The following OR56A1 variants were observed in gnomAD, a reference collection of about 807,000 sequenced individuals.
OR56A1 encodes olfactory receptor family 56 subfamily A member 1, also known as olfactory receptor 56A1.
For synonymous variants in OR56A1, 174 were observed against 159.1 expected (o/e 1.09, Z -0.70); for missense variants, 360 against 380.9 (o/e 0.94, Z 0.46).
chr11:6,026,818 G>A lies in OR56A1; in HGVS notation c.875C>T (p.Pro292Leu), dbSNP rs1460060660. The A allele has an allele frequency of 6.2e-7, 1 of 1,613,974 alleles. No individual in the cohort carries two copies. Among genetic ancestry groups the A allele is most frequent in the Non-Finnish European group, 8.5e-7 (1 of 1,179,946 alleles). ...LHHLIPPALN[P>L]IVYGVRTKEI... ...TTTGGTCCGAACCCCATACACAATAGGGTTCAATGCAGGAGGAATAAGGTG... is the reference window on the plus strand; with the variant it reads ...TTTGGTCCGAACCCCATACACAATAAGGTTCAATGCAGGAGGAATAAGGTG... The change falls in exon 2 of 2, where the codon CCT (proline) becomes CTT (leucine). Residue 292 changes from proline to leucine, a missense_variant. Physicochemically the swap from Pro to Leu is moderately conservative, Grantham distance 98 (BLOSUM62 -3). Transcript: ENST00000641900.
chr11:6,027,672 G>A lies in OR56A1; in HGVS notation c.21C>T (p.Ser7=), dbSNP rs374276557. ...GGAATTCAGAGACTGGGACAGTGGA[G>A]CTGTTGCTGGGTGACGCCATAGGCT... MASPSN[S]STVPVSEFLL... Residue 7 remains serine (S), a synonymous_variant, in exon 2 of 2, where the codon AGC becomes AGT. Transcript: ENST00000641900. 29 of 1,597,400 alleles carry A rather than the reference G, an allele frequency of 1.8e-5. No individual in the cohort carries two copies. Among genetic ancestry groups the A allele is most frequent in the Non-Finnish European group, 2.2e-5 (26 of 1,172,186 alleles).
chr11:6,031,403 C>G (rs1482844713), upstream of OR56A1, among the ~76,000 whole-genome samples: 1 of 152,096 alleles, frequency 6.6e-6, no homozygotes, highest in Non-Finnish European at 1.5e-5. Context: ...ACAGAAAGAT[C>G]ACTCTGGACA....
At chr11:6,030,460 C>A (rs1445363713) in intron 1 of OR56A1, among the ~76,000 whole-genome samples, 1 of 151,146 alleles carries the variant, frequency 6.6e-6, no homozygotes, top group African/African-American at 2.4e-5. Context: ...TAACTGACTA[C>A]ATTATGAAAG....
upstream of OR56A1, among the ~76,000 whole-genome samples, chr11:6,032,109 C>T (rs745370727): frequency 6.6e-6 from 1 of 152,070 alleles, no homozygotes; most frequent in South Asian, 2.1e-4. Context: ...AAGAGAGATT[C>T]ATTTGACTGG....
intron 1 of OR56A1, among the ~76,000 whole-genome samples, chr11:6,028,810 G>A (rs1290947093): frequency 6.6e-5 from 10 of 151,862 alleles, no homozygotes; most frequent in Admixed American, 6.6e-5. Flanking sequence ...AAAAGAAAAC[G>A]ATATATCAAA....
chr11:6,020,966 A>G lies in OR56A1; in HGVS notation c.*5782T>C, dbSNP rs555656975. 1 of 152,188 alleles carries G rather than the reference A, an allele frequency of 6.6e-6. No homozygotes were observed. The highest frequency in any genetic ancestry group is 1.9e-4 in the East Asian group (1 of 5,194). 9.4% of individuals were successfully genotyped at this position (152,188 alleles called of 1,614,324 possible). On this transcript the variant is annotated 3_prime_UTR_variant, in exon 2 of 2. Transcript: ENST00000641900. ...GAAAATTTTAGAATTTCTTTGAGTA[A>G]AGAAGACTCACAGAAATCCAGCCTG...
rs1329998793 is a variant in OR56A1, at chr11:6,020,502, T to C, written c.*6246A>G. The stretch of plus-strand genomic sequence containing the variant: ...GATTTCTTTGAGCAGTGTTTGGTAA[T>C]TCTCACTGTAGAGATCTTTCACCTC... On this transcript the variant is annotated 3_prime_UTR_variant, in exon 2 of 2. Transcript: ENST00000641900. 6.6e-6 allele frequency: 1 copy of C among 152,132 alleles called. No individual in the cohort carries two copies. The highest frequency in any genetic ancestry group is 1.5e-5 in the Non-Finnish European group (1 of 67,992). 9.4% of individuals were successfully genotyped at this position (152,132 alleles called of 1,614,324 possible).
At position 6,021,200 on chromosome 11, in the gene OR56A1, G is replaced by A. The variant is rs1210455953; in HGVS notation, c.*5548C>T. The A allele has an allele frequency of 2.6e-5, 4 of 152,008 alleles. No individual in the cohort carries two copies. Among genetic ancestry groups the A allele is most frequent in the Non-Finnish European group, 5.9e-5 (4 of 67,958 alleles). The allele number at this position is 152,008 out of a possible 1,614,324, so 9.4% of individuals were successfully genotyped here. A position where few individuals can be genotyped will look rare whatever the true frequency, so the allele number is the denominator to read the frequency against. Reference sequence around the variant, plus strand: ...TACAGATAGATCAAAAACCTATTAGGCCTTCGAGGGGGTTTATTGCCAAAG... The same window carrying A: ...TACAGATAGATCAAAAACCTATTAGACCTTCGAGGGGGTTTATTGCCAAAG... On this transcript the variant is annotated 3_prime_UTR_variant, in exon 2 of 2. Transcript: ENST00000641900.
At chr11:6,030,888 A>C (rs1848505919), upstream of OR56A1, 1 of 152,200 alleles carries the variant, frequency 6.6e-6, no homozygotes, top group South Asian at 2.1e-4. Flanking sequence ...ATGCCCAATT[A>C]GACATTTCAT....
chr11:6,025,244 G>A lies in OR56A1; in HGVS notation c.*1504C>T, dbSNP rs1474771887. 1 of 152,284 alleles carries A rather than the reference G, an allele frequency of 6.6e-6. No individual in the cohort carries two copies. The highest frequency in any genetic ancestry group is 1.5e-5 in the Non-Finnish European group (1 of 68,124). 9.4% of individuals were successfully genotyped at this position (152,284 alleles called of 1,614,324 possible). A position where few individuals can be genotyped will look rare whatever the true frequency, so the allele number is the denominator to read the frequency against. ...CAAGCTTTCAGACCCACATAAGATT[G>A]GAGCTGCGCCAGTTACTAACACTTA... On this transcript the variant is annotated 3_prime_UTR_variant, in exon 2 of 2. Transcript: ENST00000641900.
intron 1 of OR56A1, among the ~76,000 whole-genome samples, chr11:6,028,540 A>C (rs912403291): frequency 2.0e-5 from 3 of 152,194 alleles, no homozygotes; most frequent in Non-Finnish European, 4.4e-5. Flanking sequence ...AATTTTCCTC[A>C]ACTTTTCAAA....
rs1217807854 is a variant in OR56A1, at chr11:6,021,269, T to TA, written c.*5478dup. On this transcript the variant is annotated 3_prime_UTR_variant, in exon 2 of 2. Coordinates refer to ENST00000641900, the MANE Select transcript of OR56A1 (RefSeq NM_001388488.1). ...TGAAGAAAGTTTTTGCTTTAGAATT[T>TA]AAAAAATGTATTGATCCTACACAAA... 7 of 152,042 alleles carry TA rather than the reference T, an allele frequency of 4.6e-5. No individual in the cohort carries two copies. Among genetic ancestry groups the TA allele is most frequent in the East Asian group, 3.9e-4 (2 of 5,194 alleles). The allele number at this position is 152,042 out of a possible 1,614,324, so 9.4% of individuals were successfully genotyped here. A position where few individuals can be genotyped will look rare whatever the true frequency, so the allele number is the denominator to read the frequency against.
rs372572609 is a variant in OR56A1, at chr11:6,027,412, G to A, written c.281C>T (p.Ser94Leu). The part of the protein sequence containing the change: ...VLAIFWYDLR[S>L]ISFPACFLQM... ...GAGGAAGCAGGCAGGGAAGCTGATC[G>A]ACCTAAGATCATACCAGAAGATGGC... Residue 94 changes from serine (S) to leucine (L), a missense_variant, in exon 2 of 2, where the codon TCG becomes TTG. By Grantham distance (145) the Ser-to-Leu change is moderately radical (BLOSUM62 -2). Coordinates refer to ENST00000641900, the MANE Select transcript of OR56A1 (RefSeq NM_001388488.1). 27 of 1,614,074 alleles carry A rather than the reference G, an allele frequency of 1.7e-5. 1 individual carries two copies. The highest frequency in any genetic ancestry group is 1.6e-4 in the Middle Eastern group (1 of 6,084).
At chr11:6,032,722 C>G (rs1046995399), upstream of OR56A1, among the ~76,000 whole-genome samples, 1 of 152,132 alleles carries the variant, frequency 6.6e-6, no homozygotes, top group African/African-American at 2.4e-5. Context: ...ATTTATGCCA[C>G]TGCTCACAGG....
upstream of OR56A1, among the ~76,000 whole-genome samples, chr11:6,033,799 A>C (rs1848534023): frequency 6.6e-6 from 1 of 152,172 alleles, no homozygotes; most frequent in Non-Finnish European, 1.5e-5. Flanking sequence ...TTAAATATGA[A>C]GAATGTTCTA....
chr11:6,034,137 T>C (rs1590493051), upstream of OR56A1: 1 of 152,162 alleles, frequency 6.6e-6, no homozygotes, highest in Non-Finnish European at 1.5e-5. Context: ...TACTGAAGTG[T>C]TCAGGATCAA....
At position 6,023,478 on chromosome 11, in the gene OR56A1, T is replaced by A. The variant is rs1848417239; in HGVS notation, c.*3270A>T. 1 of 152,184 alleles carries A rather than the reference T, an allele frequency of 6.6e-6. No homozygotes were observed. The highest frequency in any genetic ancestry group is 6.5e-5 in the Admixed American group (1 of 15,272). 9.4% of individuals were successfully genotyped at this position (152,184 alleles called of 1,614,324 possible). A position where few individuals can be genotyped will look rare whatever the true frequency, so the allele number is the denominator to read the frequency against. On this transcript the variant is annotated 3_prime_UTR_variant, in exon 2 of 2. Transcript: ENST00000641900. ...AGGACTTGCTATTCTTTCTTTCCAC[T>A]GGCCTTGATTTAAGTCAGCTATGGT...
chr11:6,028,985 A>G (rs12364123), intron 1 of OR56A1, among the ~76,000 whole-genome samples: 53,449 of 151,960 alleles, frequency 0.35, 9,738 homozygotes, highest in Admixed American at 0.39. Flanking sequence ...CTTTTGCAGC[A>G]ACGTAGATAG....
At position 6,019,758 on chromosome 11, in the gene OR56A1, A is replaced by G. The variant is rs897395418; in HGVS notation, c.*6990T>C. 35 of 152,278 alleles carry G rather than the reference A, an allele frequency of 2.3e-4. No individual in the cohort carries two copies. Among genetic ancestry groups the G allele is most frequent in the African/African-American group, 7.9e-4 (33 of 41,578 alleles). The allele number at this position is 152,278 out of a possible 1,614,324, so 9.4% of individuals were successfully genotyped here. A position where few individuals can be genotyped will look rare whatever the true frequency, so the allele number is the denominator to read the frequency against. ...AACTAAGATACTAAACCTGACTTCT[A>G]AACTTAAAATTCAAGTTCTCATTAA... is the stretch of plus-strand genomic sequence containing the variant. On this transcript the variant is annotated 3_prime_UTR_variant, in exon 2 of 2. Transcript: ENST00000641900.
Sources: gnomAD v4.1 joint callset for allele counts (sites outside exome capture counted in the v4.1 genomes callset) on GRCh38, gnomAD v4.1.1 for gene constraint, MANE v1.5 for transcripts, NCBI Gene and HGNC (gene_info 2026-07-23, HGNC 2026-07-21) for gene names.